The following JADE2 variants were observed in gnomAD, a reference collection of about 807,000 sequenced individuals.
JADE2 encodes the protein jade family PHD finger 2.
JADE2 carries 13 observed loss-of-function variants against 85.7 expected under a neutral mutation model. The ratio of observed to expected loss-of-function variants is 0.15; its 90% CI spans 0.10 to 0.24. JADE2 has a LOEUF of 0.24. JADE2 is among the 10% of genes least tolerant of loss of function. The pLI is 1.00. For missense variants in JADE2, 846 were observed against 1,115.9 expected (o/e 0.76, Z 3.45); for synonymous variants, 440 against 456.1 (o/e 0.96, Z 0.45).
In JADE2 at chr5:134,580,436, G is replaced by A. The variant is rs1435766713; in HGVS notation, c.*1119G>A. On this transcript the variant is annotated 3_prime_UTR_variant, in exon 12 of 12. Coordinates refer to ENST00000681547, the MANE Select transcript of JADE2 (RefSeq NM_001388185.1). ...CCCTCGCACAGCCATCCCCCCCCCC[G>A]TCCTGCCATCCCCCCCCGCCGTCCT... The A allele has an allele frequency of 9.2e-5, 2 of 21,626 alleles. No individual in the cohort carries two copies. Among genetic ancestry groups the A allele is most frequent in the African/African-American group, 1.8e-4 (1 of 5,708 alleles). 1.3% of individuals were successfully genotyped at this position (21,626 alleles called of 1,614,324 possible).
Position 134,583,075 on chromosome 5 carries a change from G to C in JADE2, c.*3758G>C, listed in dbSNP as rs971906052. On this transcript the variant is annotated 3_prime_UTR_variant, in exon 12 of 12. Coordinates refer to ENST00000681547, the MANE Select transcript of JADE2 (RefSeq NM_001388185.1). Reference sequence around the variant, plus strand: ...TGCCCGCTGTGCCCTGCATGATTCTGTGTTGCCGCTGCTGCATAGTTCCCA... The same window carrying C: ...TGCCCGCTGTGCCCTGCATGATTCTCTGTTGCCGCTGCTGCATAGTTCCCA... 1 of 152,694 alleles carries C rather than the reference G, an allele frequency of 6.5e-6. No individual in the cohort carries two copies. The highest frequency in any genetic ancestry group is 1.5e-5 in the Non-Finnish European group (1 of 68,084). 9.5% of individuals were successfully genotyped at this position (152,694 alleles called of 1,614,324 possible). A position where few individuals can be genotyped will look rare whatever the true frequency, so the allele number is the denominator to read the frequency against.
At chr5:134,560,061 A>C (rs745910827) in intron 5 of JADE2, 71 bp downstream of exon 5, 143 of 1,560,144 alleles carry the variant, frequency 9.2e-5, no homozygotes, top group Admixed American at 2.4e-4. Flanking sequence ...CCCGAGAGGG[A>C]CAGTGGCCCA....
chr5:134,561,517 T>TC (rs769890939), intron 6 of JADE2, among the ~76,000 whole-genome samples: 62 of 151,230 alleles, frequency 4.1e-4, no homozygotes, highest in Admixed American at 1.1e-3. Context: ...CTGGCCAGGC[T>TC]CCCCTTGGTT....
At chr5:134,538,468 C>T (rs901886958) in intron 3 of JADE2, among the ~76,000 whole-genome samples, 3 of 151,990 alleles carry the variant, frequency 2.0e-5, no homozygotes, top group Non-Finnish European at 2.9e-5. Flanking sequence ...TTTTGGAGGC[C>T]GAGCCAAGAG....
At chr5:134,535,949 A>G (rs550513247) in intron 2 of JADE2, 34 bp downstream of exon 2, 6 of 1,595,392 alleles carry the variant, frequency 3.8e-6, no homozygotes, top group Admixed American at 1.7e-5. Flanking sequence ...CTACAGGGAA[A>G]GCATTTGAAC....
chr5:134,573,845 A>G (rs1257293270), intron 10 of JADE2, 83 bp downstream of exon 10: 1 of 896,602 alleles, frequency 1.1e-6, no homozygotes, highest in Non-Finnish European at 1.9e-6. Context: ...GTGTCTTTGG[A>G]TCCTGGTGGG....
intron 2 of JADE2, among the ~76,000 whole-genome samples, chr5:134,537,013 C>T (rs1391178081): frequency 3.3e-5 from 5 of 152,208 alleles, no homozygotes; most frequent in South Asian, 2.1e-4. Flanking sequence ...TTGGCTCTGG[C>T]GTCCCACCTG....
In JADE2 at chr5:134,576,795, A is replaced by G; in HGVS notation, c.1580A>G (p.Lys527Arg). The G allele has an allele frequency of 6.4e-7, 1 of 1,550,560 alleles. No individual in the cohort carries two copies. The highest frequency in any genetic ancestry group is 1.4e-5 in the African/African-American group (1 of 73,152). Reference sequence around the variant, plus strand: ...CGGTCTGGGAGGAGAGCAAAGGGCAAGAAGAGTGACTCGAAGAGGAAGGGC... The same window carrying G: ...CGGTCTGGGAGGAGAGCAAAGGGCAGGAAGAGTGACTCGAAGAGGAAGGGC... ...RERSGRRAKGKKSDSKRKGCE... is the reference protein window; with the variant it reads ...RERSGRRAKGRKSDSKRKGCE... The change falls in exon 11 of 12, where the codon AAG becomes AGG. Residue 527 changes from lysine (K) to arginine (R), a missense_variant. By Grantham distance (26) the Lys-to-Arg change is conservative. Coordinates refer to ENST00000681547, the MANE Select transcript of JADE2 (RefSeq NM_001388185.1).
intron 10 of JADE2, among the ~76,000 whole-genome samples, chr5:134,575,920 G>T (rs1035242135): frequency 2.0e-5 from 3 of 151,004 alleles, no homozygotes; most frequent in African/African-American, 7.3e-5. Context: ...AACAGATGTG[G>T]CCAGGCACAG....
At chr5:134,553,416 C>A (rs950012555) in intron 4 of JADE2, among the ~76,000 whole-genome samples, 2 of 147,214 alleles carry the variant, frequency 1.4e-5, no homozygotes, top group African/African-American at 2.5e-5. Context: ...TAGAGTGGTG[C>A]GATCTTGGCT....
rs1200950093 is a variant in JADE2, at chr5:134,566,556, C to G, written c.1410C>G (p.Thr470=). The change falls in exon 9 of 12, where the codon ACC becomes ACG. Residue 470 remains threonine, a synonymous_variant. Coordinates refer to ENST00000681547, the MANE Select transcript of JADE2 (RefSeq NM_001388185.1). This position sits in a 1 kb window ranked among gnomAD's most constrained non-coding sequence, Gnocchi z 6.7. ...TCTACCGCCGCCTGAAGCTCTTCACCCATCTGCGGCAGGACCTAGAGAGGG... is the reference window on the plus strand; with the variant it reads ...TCTACCGCCGCCTGAAGCTCTTCACGCATCTGCGGCAGGACCTAGAGAGGG... ...DVLYRRLKLF[T]HLRQDLERVR... 1 of 1,568,394 alleles carries G rather than the reference C, an allele frequency of 6.4e-7. No individual in the cohort carries two copies. Among genetic ancestry groups the G allele is most frequent in the Non-Finnish European group, 8.6e-7 (1 of 1,156,246 alleles).
rs377304795 is a variant in JADE2 at position 134,580,837 on chromosome 5, G to A, written c.*1520G>A. 5 of 152,738 alleles carry A rather than the reference G, an allele frequency of 3.3e-5. No homozygotes were observed. Among genetic ancestry groups the A allele is most frequent in the African/African-American group, 1.2e-4 (5 of 41,548 alleles). The allele number at this position is 152,738 out of a possible 1,614,324, so 9.5% of individuals were successfully genotyped here. ...AGAAGAGCTCAAGCGCTTGGAAGAG[G>A]ATGCTTTGCTGCTGCTGAAGTGTAC... On this transcript the variant is annotated 3_prime_UTR_variant, in exon 12 of 12. Transcript: ENST00000681547.
chr5:134,530,778 T>C (rs1444802653), intron 1 of JADE2, among the ~76,000 whole-genome samples: 2 of 151,852 alleles, frequency 1.3e-5, no homozygotes, highest in African/African-American at 4.8e-5. Context: ...TCCTGGAAAA[T>C]GTGTGAGGTT....
chr5:134,551,590 G>A (rs1762595663), intron 3 of JADE2, among the ~76,000 whole-genome samples: 1 of 150,264 alleles, frequency 6.7e-6, no homozygotes, highest in African/African-American at 2.5e-5. Context: ...TGTTGCCCAG[G>A]CTGTCTTGAA....
chr5:134,544,434 T>C (rs2589402), intron 3 of JADE2: 48,777 of 166,820 alleles, frequency 0.29, 7,486 homozygotes, highest in Non-Finnish European at 0.33. Context: ...CTCAGAGCCC[T>C]TATCATAGAG....
intron 9 of JADE2, among the ~76,000 whole-genome samples, chr5:134,568,873 G>A (rs1763815073): frequency 6.6e-6 from 1 of 152,256 alleles, no homozygotes; most frequent in African/African-American, 2.4e-5. Context: ...TGGCCAGCGG[G>A]CCCAGTCTCG....
chr5:134,526,993 G>A (rs570227227), intron 1 of JADE2, among the ~76,000 whole-genome samples: 110 of 152,292 alleles, frequency 7.2e-4, no homozygotes, highest in Admixed American at 1.6e-3. Context: ...GGACGGATCC[G>A]CAGTCCCCAG....
chr5:134,530,035 C>T lies in JADE2; in HGVS notation c.-1+4024C>T, dbSNP rs187974446. On this transcript the variant is annotated intron_variant, in intron 1 of 11. Coordinates refer to ENST00000681547, the MANE Select transcript of JADE2 (RefSeq NM_001388185.1). ...ACTTGGAGAAGCAGGTCCAGGAAGCCGACTGGAGGATCCCAGGCAGCAGCC... is the reference window on the plus strand; with the variant it reads ...ACTTGGAGAAGCAGGTCCAGGAAGCTGACTGGAGGATCCCAGGCAGCAGCC... 3.2e-4 allele frequency among the ~76,000 whole-genome samples: 49 copies of T among 152,322 alleles called. No homozygotes were observed. The South Asian group carries it at 6.6e-3, about 21-fold the overall frequency.
At chr5:134,531,504 T>A (rs1761231950) in intron 1 of JADE2, among the ~76,000 whole-genome samples, 1 of 152,160 alleles carries the variant, frequency 6.6e-6, no homozygotes, top group South Asian at 2.1e-4. Flanking sequence ...CTTGAACTCC[T>A]GGGCCCAAGT....
Sources: allele counts gnomAD v4.1 joint callset (sites outside exome capture counted in the v4.1 genomes callset), GRCh38; gene constraint gnomAD v4.1.1; non-coding constraint Gnocchi (gnomAD v3.1); transcripts MANE v1.5; gene names NCBI Gene and HGNC (gene_info 2026-07-23, HGNC 2026-07-21).